Variants in EXOC6B observed in about 807,000 individuals in gnomAD.
EXOC6B encodes SEC15 homolog B.
EXOC6B carries 54 observed loss-of-function variants against 113.5 expected under a neutral mutation model. That is an observed-to-expected ratio of 0.48 (90% CI 0.38 to 0.60). The LOEUF (loss-of-function observed/expected upper bound fraction) is 0.60, where lower values mean the gene tolerates loss of function less well. Ranked by LOEUF, EXOC6B falls within the 20% of genes least tolerant of loss-of-function variation. The pLI, the probability that EXOC6B is intolerant of heterozygous loss-of-function variation, is 0.00. For missense variants in EXOC6B, 797 were observed against 977.5 expected, an observed-to-expected ratio of 0.82 and a Z score of 2.46; for synonymous variants, 357 against 339.0, an observed-to-expected ratio of 1.05 and a Z score of -0.58.
intron 17 of EXOC6B, among the ~76,000 whole-genome samples, chr2:72,473,310 A>G (rs1241348486): frequency 1.3e-5 from 2 of 151,912 alleles, no homozygotes; most frequent in Admixed American, 1.3e-4. Flanking sequence ...ATCAGAGTTC[A>G]CCTTTTTATT....
intron 19 of EXOC6B, among the ~76,000 whole-genome samples, chr2:72,357,546 C>T (rs1394200306): frequency 6.6e-6 from 1 of 152,088 alleles, no homozygotes; most frequent in African/African-American, 2.4e-5. Context: ...CAAAAATTAG[C>T]CAGGCGTTGG....
chr2:72,634,722 A>G (rs188785787), intron 6 of EXOC6B, among the ~76,000 whole-genome samples: 1 of 152,348 alleles, frequency 6.6e-6, no homozygotes, highest in African/African-American at 2.4e-5. Flanking sequence ...TTCATAGAAT[A>G]AGGTTCAAAA....
chr2:72,739,805 G>T (rs1347921168), intron 2 of EXOC6B, among the ~76,000 whole-genome samples: 1 of 152,114 alleles, frequency 6.6e-6, no homozygotes, highest in Non-Finnish European at 1.5e-5. Flanking sequence ...GCAACTGAGA[G>T]GGGTACTATT....
chr2:72,685,935 C>T (rs1677057256), intron 6 of EXOC6B, among the ~76,000 whole-genome samples: 1 of 152,168 alleles, frequency 6.6e-6, no homozygotes, highest in Admixed American at 6.5e-5. Context: ...AATCACTTAA[C>T]ATTTTTTTGA....
chr2:72,257,795 T>C (rs562370686), intron 20 of EXOC6B, among the ~76,000 whole-genome samples: 112 of 152,276 alleles, frequency 7.4e-4, no homozygotes, highest in Non-Finnish European at 1.4e-3. Flanking sequence ...TAGTCAACCA[T>C]AGCCGACATA....
At chr2:72,505,008 C>A (rs1252765213) in intron 11 of EXOC6B, among the ~76,000 whole-genome samples, 1 of 152,054 alleles carries the variant, frequency 6.6e-6, no homozygotes, top group African/African-American at 2.4e-5. Flanking sequence ...TTAGTTCGTG[C>A]TGTTATATAC....
intron 6 of EXOC6B, among the ~76,000 whole-genome samples, chr2:72,710,065 C>T (rs761835535): frequency 1.8e-4 from 27 of 151,992 alleles, no homozygotes; most frequent in Non-Finnish European, 3.4e-4. Flanking sequence ...CCACCGTGCC[C>T]AGCTAATTTT....
intron 7 of EXOC6B, among the ~76,000 whole-genome samples, chr2:72,571,221 C>T (rs907654479): frequency 6.6e-6 from 1 of 152,114 alleles, no homozygotes; most frequent in Non-Finnish European, 1.5e-5. Flanking sequence ...AGGGTGATTT[C>T]AATCCCAATT....
chr2:72,641,663 C>A (rs1164580621), intron 6 of EXOC6B, among the ~76,000 whole-genome samples: 1 of 152,252 alleles, frequency 6.6e-6, no homozygotes, highest in African/African-American at 2.4e-5. Flanking sequence ...GCAGCAGAAA[C>A]TTCTGCAGAC....
rs541627717 is a variant in EXOC6B, at chr2:72,644,132, G to A, written c.670-68464C>T. 6.1e-4 allele frequency among the ~76,000 whole-genome samples: 93 copies of A among 152,238 alleles called. 1 individual carries two copies. The highest frequency in any genetic ancestry group is 1.1e-3 in the Non-Finnish European group (73 of 68,006). ...CTGATGGAGCTGAAAACCATGGCAC[G>A]AGAACTACGTGACACATCTACAAAC... On this transcript the variant is annotated intron_variant, in intron 6 of 21. Transcript: ENST00000272427.
At chr2:72,627,676 T>A (rs1236614455) in intron 6 of EXOC6B, among the ~76,000 whole-genome samples, 1 of 152,072 alleles carries the variant, frequency 6.6e-6, no homozygotes, top group Non-Finnish European at 1.5e-5. Flanking sequence ...CAGAAGGCTA[T>A]TTTTTTTCCA....
chr2:72,640,359 G>C (rs577601191), intron 6 of EXOC6B, among the ~76,000 whole-genome samples: 1 of 152,048 alleles, frequency 6.6e-6, no homozygotes, highest in Admixed American at 6.6e-5. Context: ...AAGAAATACG[G>C]GATTATGTAA....
intron 1 of EXOC6B, among the ~76,000 whole-genome samples, chr2:72,798,816 A>T (rs1454350681): frequency 6.6e-6 from 1 of 152,222 alleles, no homozygotes; most frequent in African/African-American, 2.4e-5. Flanking sequence ...CTAATAACCC[A>T]GTAAAATAAA....
intron 1 of EXOC6B, among the ~76,000 whole-genome samples, chr2:72,787,801 G>T (rs189566088): frequency 6.6e-6 from 1 of 151,956 alleles, no homozygotes; most frequent in East Asian, 1.9e-4. Flanking sequence ...TAATTTTTTT[G>T]TGTATATTTT....
intron 18 of EXOC6B, among the ~76,000 whole-genome samples, chr2:72,385,457 T>G (rs1573006583): frequency 6.8e-6 from 1 of 146,204 alleles, no homozygotes; most frequent in Non-Finnish European, 1.5e-5. Context: ...GTACAATGAC[T>G]TTTTTTTTTG....
intron 7 of EXOC6B, among the ~76,000 whole-genome samples, chr2:72,570,989 C>A (rs1013682128): frequency 3.9e-5 from 6 of 152,246 alleles, no homozygotes; most frequent in African/African-American, 9.6e-5. Flanking sequence ...TCAATCCTCA[C>A]AACAAGCCTA....
intron 6 of EXOC6B, among the ~76,000 whole-genome samples, chr2:72,661,388 A>T (rs1675002910): frequency 6.6e-6 from 1 of 151,330 alleles, no homozygotes; most frequent in South Asian, 2.1e-4. Flanking sequence ...AAAAAAAAAA[A>T]CCTACAACAA....
At chr2:72,603,072 GGT>G (rs1491322920) in intron 6 of EXOC6B, among the ~76,000 whole-genome samples, 2 of 24,314 alleles carry the variant, frequency 8.2e-5, no homozygotes, top group Admixed American at 6.3e-4. Context: ...ACGGACAGAT[GGT>G]TTTTTTTTTT....
chr2:72,603,794 A>T (rs1410795005), intron 6 of EXOC6B, among the ~76,000 whole-genome samples: 1 of 152,196 alleles, frequency 6.6e-6, no homozygotes, highest in Admixed American at 6.5e-5. Flanking sequence ...TGAGCCAGTC[A>T]GCCATGAAGG....
Sources: allele counts gnomAD v4.1 joint callset (sites outside exome capture counted in the v4.1 genomes callset), GRCh38; gene constraint gnomAD v4.1.1; transcripts MANE v1.5; gene names NCBI Gene and HGNC (gene_info 2026-07-23, HGNC 2026-07-21).